The following MYO5B variants were observed in gnomAD, a reference collection of about 807,000 sequenced individuals.
MYO5B encodes myosin VB.
Under a neutral mutation model 229.3 loss-of-function variants are expected in MYO5B, and 143 were observed. The observed-to-expected ratio is 0.62, with a 90% CI of 0.54 to 0.72. MYO5B has a LOEUF of 0.72. Ranked by LOEUF, MYO5B falls within the 30% of genes least tolerant of loss-of-function variation. MYO5B has a pLI of 0.00. For synonymous variants in MYO5B, 918 were observed against 885.2 expected (o/e 1.04, Z -0.66); for missense variants, 2,321 against 2,331.0 (o/e 1.00, Z 0.09).
chr18:49,847,145 C>G lies in MYO5B; in HGVS notation c.4459+1G>C. 6.2e-7 allele frequency: 1 copy of G among 1,614,060 alleles called. No homozygotes were observed. The highest frequency in any genetic ancestry group is 8.5e-7 in the Non-Finnish European group (1 of 1,180,024). On this transcript the variant is annotated splice_donor_variant, in intron 33 of 39. Transcript: ENST00000285039. LOFTEE classifies it high-confidence loss of function. ...CATAGGGTGGCACAGAGGGTCCTTA[C>G]CTGTCACCAGGTTCCGGATGAGGAG...
chr18:49,847,504 A>T (rs983722724), intron 32 of MYO5B, among the ~76,000 whole-genome samples: 1 of 152,170 alleles, frequency 6.6e-6, no homozygotes, highest in Non-Finnish European at 1.5e-5. Flanking sequence ...CCACACCCCA[A>T]GTGTGAGGAG....
Position 49,897,974 on chromosome 18 carries a change from T to G in MYO5B, c.2812-2800A>C, listed in dbSNP as rs2024798933. Among the ~76,000 whole-genome samples, 4 of 152,346 alleles carry G rather than the reference T, an allele frequency of 2.6e-5. No individual in the cohort carries two copies. In the Middle Eastern group the frequency reaches 0.014, roughly 518 times the overall value. On this transcript the variant is annotated intron_variant, in intron 21 of 39. Transcript: ENST00000285039. ...GCCATCTTTTACACCATATTTTTAT[T>G]ATCCCTTCTCTATGTTTAGATACGT...
At chr18:50,120,416 A>T (rs12326884) in intron 1 of MYO5B, among the ~76,000 whole-genome samples, 2,073 of 152,306 alleles carry the variant, frequency 0.014, 56 homozygotes, top group African/African-American at 0.047. Flanking sequence ...GTGACCCCTC[A>T]ATTCTCAGGG....
chr18:49,881,521 G>A (rs934883599), intron 22 of MYO5B, among the ~76,000 whole-genome samples: 4 of 152,176 alleles, frequency 2.6e-5, no homozygotes, highest in Non-Finnish European at 5.9e-5. Context: ...AGTGTGAAGA[G>A]GCCAGGCGCA....
At chr18:49,868,082 T>C (rs568173800) in intron 27 of MYO5B, among the ~76,000 whole-genome samples, 2 of 131,316 alleles carry the variant, frequency 1.5e-5, no homozygotes, top group East Asian at 2.3e-4. Flanking sequence ...ATGCTCGTTA[T>C]AGTGAGAAAA....
At chr18:50,030,001 T>C (rs1789672390) in intron 4 of MYO5B, among the ~76,000 whole-genome samples, 2 of 152,186 alleles carry the variant, frequency 1.3e-5, no homozygotes, top group Admixed American at 6.5e-5. Context: ...AACCACCTTA[T>C]GCCAAAACTG....
intron 38 of MYO5B, among the ~76,000 whole-genome samples, chr18:49,835,797 G>C (rs923577486): frequency 3.9e-5 from 6 of 152,166 alleles, no homozygotes; most frequent in East Asian, 1.9e-4. Flanking sequence ...CCTTAGATGA[G>C]AAAGGTCTTG....
chr18:49,936,391 C>A, intron 15 of MYO5B, 42 bp from the exon 16 acceptor site: 2 of 1,419,442 alleles, frequency 1.4e-6, no homozygotes, highest in South Asian at 1.2e-5. Flanking sequence ...TTTAACAAGT[C>A]GTGGATGTGT....
At chr18:49,936,619 T>A (rs1236307418) in intron 15 of MYO5B, among the ~76,000 whole-genome samples, 1 of 151,988 alleles carries the variant, frequency 6.6e-6, no homozygotes, top group Non-Finnish European at 1.5e-5. Context: ...GTGCTGTGGA[T>A]CAAATAAGAT....
intron 1 of MYO5B, among the ~76,000 whole-genome samples, chr18:50,089,486 T>G (rs2031400470): frequency 6.6e-6 from 1 of 150,846 alleles, no homozygotes; most frequent in South Asian, 2.1e-4. Context: ...GCCTGTAATC[T>G]CAGCACACTG....
chr18:49,872,847 C>A (rs528558005), intron 26 of MYO5B, among the ~76,000 whole-genome samples: 1 of 152,318 alleles, frequency 6.6e-6, no homozygotes, highest in Admixed American at 6.5e-5. Context: ...CTCCAGAACT[C>A]TGAGAGAATG....
intron 1 of MYO5B, among the ~76,000 whole-genome samples, chr18:50,192,896 T>C (rs1037065594): frequency 3.3e-5 from 5 of 152,238 alleles, no homozygotes; most frequent in African/African-American, 1.2e-4. Context: ...AAGTTTATAT[T>C]TTTAATCTTT....
rs1198520305 is a variant in MYO5B at position 49,826,481 on chromosome 18, T to C, written c.5537A>G (p.Asn1846Ser). ...TGGAAACATGCATCTTCAGACTTCATTGAGGAATTCCAGATTGAGACACGC... is the reference window on the plus strand; with the variant it reads ...TGGAAACATGCATCTTCAGACTTCACTGAGGAATTCCAGATTGAGACACGC... ...IPACLNLEFL[N>S]EV The change falls in exon 40 of 40, where the codon AAT (asparagine) becomes AGT (serine). Residue 1846 changes from asparagine to serine, a missense_variant. Transcript: ENST00000285039. The C allele has an allele frequency of 9.3e-6, 15 of 1,613,918 alleles. No homozygotes were observed. Among genetic ancestry groups the C allele is most frequent in the Admixed American group, 1.7e-5 (1 of 60,006 alleles).
In MYO5B at chr18:49,859,988, G is replaced by A. The variant is rs551382501; in HGVS notation, c.3945-3098C>T. The stretch of plus-strand genomic sequence containing the variant: ...GGCCCCTGGTGTGTGTATTGGCGGG[G>A]GGCGGCGGGTGTGAATAATAACCCC... On this transcript the variant is annotated intron_variant, in intron 29 of 39. Transcript: ENST00000285039. Among the ~76,000 whole-genome samples, 7 of 152,176 alleles carry A rather than the reference G, an allele frequency of 4.6e-5. No individual in the cohort carries two copies. In the East Asian group the frequency reaches 1.4e-3, roughly 29 times the overall value.
At chr18:50,050,043 A>T (rs968390309) in intron 2 of MYO5B, among the ~76,000 whole-genome samples, 3 of 152,182 alleles carry the variant, frequency 2.0e-5, no homozygotes, top group Non-Finnish European at 4.4e-5. Flanking sequence ...TAGCAATATT[A>T]CCAGTAGATA....
intron 12 of MYO5B, among the ~76,000 whole-genome samples, chr18:49,959,786 T>C (rs1198711165): frequency 6.6e-6 from 1 of 152,058 alleles, no homozygotes; most frequent in Non-Finnish European, 1.5e-5. Context: ...CCAACCCAAA[T>C]AGGGCTTAGA....
At chr18:49,963,055 G>C in intron 10 of MYO5B, 25 bp from the exon 11 acceptor site, 1 of 1,595,942 alleles carries the variant, frequency 6.3e-7, no homozygotes, top group Non-Finnish European at 8.6e-7. Flanking sequence ...GAGAAGATAA[G>C]AGACGTCTCC....
At chr18:49,975,452 A>G (rs2025739803) in intron 9 of MYO5B, among the ~76,000 whole-genome samples, 1 of 152,200 alleles carries the variant, frequency 6.6e-6, no homozygotes, top group Non-Finnish European at 1.5e-5. Context: ...CACTCCCAGC[A>G]CTGACCCTGC....
At chr18:50,087,355 A>T (rs2031351758) in intron 1 of MYO5B, among the ~76,000 whole-genome samples, 1 of 151,948 alleles carries the variant, frequency 6.6e-6, no homozygotes. Context: ...GTAGATCACG[A>T]AGCAGGAGAT....
Sources: gnomAD v4.1 joint callset for allele counts (sites outside exome capture counted in the v4.1 genomes callset) on GRCh38, gnomAD v4.1.1 for gene constraint, MANE v1.5 for transcripts, NCBI Gene and HGNC (gene_info 2026-07-23, HGNC 2026-07-21) for gene names.